PAAF1: variants seen among roughly 807,000 people sequenced by gnomAD.
PAAF1 encodes proteasomal ATPase-associated factor 1.
PAAF1 carries 46 observed loss-of-function variants against 52.8 expected under a neutral mutation model. The observed-to-expected ratio is 0.87, with a 90% CI of 0.69 to 1.11. PAAF1 has a LOEUF of 1.11. PAAF1 is among the 50% of genes most tolerant of loss of function. The pLI is 0.00. For missense variants in PAAF1, 424 were observed against 477.4 expected (o/e 0.89, Z 1.04); for synonymous variants, 178 against 172.8 (o/e 1.03, Z -0.24).
Position 73,878,776 on chromosome 11 carries a change from T to C in PAAF1, c.48-3T>C. 1 of 1,613,442 alleles carries C rather than the reference T, an allele frequency of 6.2e-7. No individual in the cohort carries two copies. The highest frequency in any genetic ancestry group is 8.5e-7 in the Non-Finnish European group (1 of 1,179,642). On this transcript the variant is annotated splice_polypyrimidine_tract_variant and splice_region_variant and intron_variant, in intron 1 of 11. Transcript: ENST00000310571. ...CTAATTAGGCTTTTGTCTTTCTTCG[T>C]AGGAAGGATGAAGGGGAGGCCTGGC...
chr11:73,904,679 T>C (rs1332206100), intron 6 of PAAF1, among the ~76,000 whole-genome samples: 2 of 152,206 alleles, frequency 1.3e-5, no homozygotes, highest in Non-Finnish European at 2.9e-5. Flanking sequence ...TTTTCCCATA[T>C]ACGCATGTAT....
At chr11:73,890,918 T>C (rs1949182248) in intron 3 of PAAF1, among the ~76,000 whole-genome samples, 194 bp from the exon 4 acceptor site, 1 of 152,190 alleles carries the variant, frequency 6.6e-6, no homozygotes, top group African/African-American at 2.4e-5. Context: ...AATTACACTG[T>C]AGCCCTCAAC....
At position 73,877,012 on chromosome 11, in the gene PAAF1, C is replaced by T; in HGVS notation, c.-10C>T. 1 of 1,527,274 alleles carries T rather than the reference C, an allele frequency of 6.5e-7. No homozygotes were observed. Among genetic ancestry groups the T allele is most frequent in the East Asian group, 2.6e-5 (1 of 38,958 alleles). 94.6% of individuals were successfully genotyped at this position (1,527,274 alleles called of 1,614,324 possible). ...GGCGGAAGAGGTGGGCTGGTGGAGG[C>T]GGGGTCGAGATGGCGGCGCCTTTGA... On this transcript the variant is annotated 5_prime_UTR_variant, in exon 1 of 12. Transcript: ENST00000310571.
At chr11:73,915,060 C>T (rs1950028233) in intron 8 of PAAF1, among the ~76,000 whole-genome samples, 1 of 152,130 alleles carries the variant, frequency 6.6e-6, no homozygotes, top group African/African-American at 2.4e-5. Flanking sequence ...AAATAAATCT[C>T]AGTTCTTCTA....
In PAAF1 at chr11:73,919,033, G is replaced by A. The variant is rs1950143616; in HGVS notation, c.1018+1G>A. 6.2e-7 allele frequency: 1 copy of A among 1,612,640 alleles called. No individual in the cohort carries two copies. The highest frequency in any genetic ancestry group is 2.2e-5 in the East Asian group (1 of 44,854). ...AGAGATGGATTCATTGCTAGCCAAG[G>A]TGGGTCCATGGGCCAATTGAGAGAG... On this transcript the variant is annotated splice_donor_variant, in intron 10 of 11. Transcript: ENST00000310571. LOFTEE classifies it high-confidence loss of function.
rs565074251 is a variant in PAAF1, at chr11:73,902,845, C to A, written c.532+2425C>A. 7.2e-5 allele frequency among the ~76,000 whole-genome samples: 11 copies of A among 152,248 alleles called. No homozygotes were observed. In the South Asian group the frequency reaches 2.3e-3, roughly 32 times the overall value. On this transcript the variant is annotated intron_variant, in intron 6 of 11. Transcript: ENST00000310571. ...CCCAGTAACTGGGATTACAGGCATG[C>A]GCCACCATGCCCGGCTAATTTTTTT...
At chr11:73,919,925 A>G (rs781552454) in intron 10 of PAAF1, among the ~76,000 whole-genome samples, 2 of 152,184 alleles carry the variant, frequency 1.3e-5, no homozygotes, top group African/African-American at 2.4e-5. Context: ...TCCATTTCAG[A>G]TTATATTAAT....
At chr11:73,910,980 ACT>A (rs1949913499) in intron 7 of PAAF1, among the ~76,000 whole-genome samples, 1 of 131,466 alleles carries the variant, frequency 7.6e-6, no homozygotes, top group Non-Finnish European at 1.5e-5. Context: ...ACAGTGTGAG[ACT>A]CTGTCTCAAA....
intron 10 of PAAF1, among the ~76,000 whole-genome samples, chr11:73,924,307 G>A (rs1371444425): frequency 6.6e-6 from 1 of 151,984 alleles, no homozygotes; most frequent in African/African-American, 2.4e-5. Context: ...TTAGCCAGGC[G>A]TGGTGGTGGG....
intron 4 of PAAF1, among the ~76,000 whole-genome samples, chr11:73,896,692 C>G (rs983896250): frequency 6.6e-5 from 10 of 152,246 alleles, no homozygotes; most frequent in Non-Finnish European, 1.3e-4. Flanking sequence ...TCTCCCATGT[C>G]TACCTCTTTC....
At chr11:73,906,952 C>A (rs918695797) in intron 6 of PAAF1, among the ~76,000 whole-genome samples, 1 of 152,202 alleles carries the variant, frequency 6.6e-6, no homozygotes, top group African/African-American at 2.4e-5. Context: ...GAAACAAATA[C>A]TAGCCCTGCC....
At chr11:73,900,941 C>A (rs1418009812) in intron 6 of PAAF1, among the ~76,000 whole-genome samples, 2 of 142,352 alleles carry the variant, frequency 1.4e-5, no homozygotes, top group Non-Finnish European at 3.0e-5. Context: ...GAGATCCCGC[C>A]ACTGCACTCC....
chr11:73,884,486 C>T (rs917235427), intron 2 of PAAF1, among the ~76,000 whole-genome samples: 1 of 152,022 alleles, frequency 6.6e-6, no homozygotes, highest in Non-Finnish European at 1.5e-5. Context: ...CAGAGCGAGA[C>T]CCTGTCTCAA....
In PAAF1 at chr11:73,927,284, G is replaced by A. The variant is rs748669900; in HGVS notation, c.1102-1G>A. 2 of 1,578,078 alleles carry A rather than the reference G, an allele frequency of 1.3e-6. No individual in the cohort carries two copies. Among genetic ancestry groups the A allele is most frequent in the Non-Finnish European group, 1.7e-6 (2 of 1,162,648 alleles). On this transcript the variant is annotated splice_acceptor_variant, in intron 11 of 11. Transcript: ENST00000310571. LOFTEE classifies it high-confidence loss of function. ...TTGAACTGTGAATTCTTGTGTTTTA[G>A]GTAGCCACATGGGAGAAGCAGATCT...
At chr11:73,907,444 G>A (rs1190076336) in intron 6 of PAAF1, among the ~76,000 whole-genome samples, 1 of 152,158 alleles carries the variant, frequency 6.6e-6, no homozygotes, top group East Asian at 1.9e-4. Context: ...TCATCTTCTT[G>A]GTGAAAGTAG....
chr11:73,886,827 G>C (rs929719866), intron 2 of PAAF1: 1 of 242,848 alleles, frequency 4.1e-6, no homozygotes, highest in Non-Finnish European at 8.4e-6. Flanking sequence ...GGGCCTAATG[G>C]GGGGTGTTTG....
intron 10 of PAAF1, among the ~76,000 whole-genome samples, chr11:73,920,794 G>C (rs1950193579): frequency 6.6e-6 from 1 of 151,196 alleles, no homozygotes; most frequent in South Asian, 2.1e-4. Flanking sequence ...GGAGGATGCA[G>C]TAAGCTGAGA....
chr11:73,909,704 C>G, intron 7 of PAAF1, 111 bp downstream of exon 7: 1 of 924,074 alleles, frequency 1.1e-6, no homozygotes, highest in South Asian at 1.7e-5. Context: ...CCTGGTATTT[C>G]TGTTTTCACC....
At chr11:73,893,015 A>G (rs768497391) in intron 4 of PAAF1, among the ~76,000 whole-genome samples, 4 of 152,214 alleles carry the variant, frequency 2.6e-5, no homozygotes, top group African/African-American at 4.8e-5. Flanking sequence ...CTGTCTTTCA[A>G]TGTATCCTTC....
Sources: gnomAD v4.1 joint callset for allele counts (sites outside exome capture counted in the v4.1 genomes callset) on GRCh38, gnomAD v4.1.1 for gene constraint, MANE v1.5 for transcripts, NCBI Gene and HGNC (gene_info 2026-07-23, HGNC 2026-07-21) for gene names.